Variants in LUC7L2 observed in about 807,000 individuals in gnomAD.
LUC7L2 encodes the protein LUC7 like 2, pre-mRNA splicing factor, also known as putative RNA-binding protein Luc7-like 2.
Under a neutral mutation model 52.8 loss-of-function variants are expected in LUC7L2, and 25 were observed. That is an observed-to-expected ratio of 0.47 (90% CI 0.34 to 0.66). LUC7L2 has a LOEUF of 0.66. LUC7L2 is among the 30% of genes least tolerant of loss of function. The pLI, the probability that LUC7L2 is intolerant of heterozygous loss-of-function variation, is 0.01. For synonymous variants in LUC7L2, 144 were observed against 160.9 expected (o/e 0.89, Z 0.80); for missense variants, 328 against 497.8 (o/e 0.66, Z 3.25).
intron 9 of LUC7L2, among the ~76,000 whole-genome samples, chr7:139,418,725 TTAA>T (rs1382352172): frequency 4.6e-5 from 7 of 152,234 alleles, no homozygotes; most frequent in Admixed American, 4.6e-4. Flanking sequence ...TAAGGTGATT[TTAA>T]TAATAATTAA....
In LUC7L2 at chr7:139,360,551, C is replaced by T. The variant is rs1799821142; in HGVS notation, c.61+229C>T. Among the ~76,000 whole-genome samples, 4 of 152,160 alleles carry T rather than the reference C, an allele frequency of 2.6e-5. No individual in the cohort carries two copies. In the South Asian group the frequency reaches 8.3e-4, roughly 32 times the overall value. ...TGCTGCCAATGGGGTGAGGCGGGGC[C>T]TGGAGGCAGAAAGGAGAGTTTGTGC... On this transcript the variant is annotated intron_variant, in intron 1 of 9. Coordinates refer to ENST00000354926, the MANE Select transcript of LUC7L2 (RefSeq NM_016019.5).
intron 2 of LUC7L2, among the ~76,000 whole-genome samples, chr7:139,389,248 C>T (rs969610209): frequency 6.6e-6 from 1 of 151,982 alleles, no homozygotes; most frequent in Non-Finnish European, 1.5e-5. Context: ...GTATTTCTGC[C>T]TGAGTAGTCA....
At chr7:139,376,033 T>A (rs762542222) in intron 1 of LUC7L2, 29 bp from the exon 2 acceptor site, 1 of 1,611,122 alleles carries the variant, frequency 6.2e-7, no homozygotes, top group Non-Finnish European at 8.5e-7. Context: ...TGTCTAACCT[T>A]GAATGTTATT....
intron 9 of LUC7L2, among the ~76,000 whole-genome samples, 180 bp from the exon 10 acceptor site, chr7:139,421,983 G>GTT (rs1445876759): frequency 6.6e-6 from 1 of 152,104 alleles, no homozygotes; most frequent in Non-Finnish European, 1.5e-5. Flanking sequence ...CCATCTTCTT[G>GTT]TTTTAATGCC....
At chr7:139,362,670 C>G (rs1184307957) in intron 1 of LUC7L2, among the ~76,000 whole-genome samples, 1 of 141,050 alleles carries the variant, frequency 7.1e-6, no homozygotes, top group Admixed American at 7.2e-5. Flanking sequence ...CAGCGACTCT[C>G]TTTTTTGGAA....
At chr7:139,400,704 A>G (rs1302693072) in intron 3 of LUC7L2, among the ~76,000 whole-genome samples, 1 of 152,106 alleles carries the variant, frequency 6.6e-6, no homozygotes, top group Admixed American at 6.5e-5. Flanking sequence ...CCAACCCCAC[A>G]TAGCTACTTA....
intron 2 of LUC7L2, among the ~76,000 whole-genome samples, chr7:139,379,025 G>C (rs1800853452): frequency 6.6e-6 from 1 of 152,074 alleles, no homozygotes; most frequent in South Asian, 2.1e-4. Context: ...TTGCCCTTTA[G>C]TTTGTATTTT....
intron 2 of LUC7L2, among the ~76,000 whole-genome samples, chr7:139,398,229 C>G (rs966381245): frequency 1.2e-4 from 18 of 152,180 alleles, no homozygotes; most frequent in Admixed American, 3.3e-4. Flanking sequence ...ATTGACATCT[C>G]AACAATTTGA....
chr7:139,350,312 G>A (rs377499947), intron 1 of LUC7L2, among the ~76,000 whole-genome samples: 343 of 152,028 alleles, frequency 2.3e-3, no homozygotes, highest in Admixed American at 4.3e-3. Flanking sequence ...TAGTAGAGAC[G>A]GGGTTTCACC....
At chr7:139,393,399 C>T (rs184211834) in intron 2 of LUC7L2, among the ~76,000 whole-genome samples, 123 of 152,154 alleles carry the variant, frequency 8.1e-4, no homozygotes, top group African/African-American at 2.7e-3. Flanking sequence ...CATTGTACTC[C>T]AGACTGGGGG....
rs571913905 is a variant in LUC7L2 at position 139,371,792 on chromosome 7, A to G, written c.62-4270A>G. On this transcript the variant is annotated intron_variant, in intron 1 of 9. Transcript: ENST00000354926. ...AGTATTTGAGTAAAATTTAGAGAGG[A>G]GGCCTCTTTTTAAAGTGACCTGTCT... Among the ~76,000 whole-genome samples, 17 of 152,236 alleles carry G rather than the reference A, an allele frequency of 1.1e-4. 2 individuals are homozygous for G. Among genetic ancestry groups the G allele is most frequent in the African/African-American group, 3.9e-4 (16 of 41,554 alleles).
intron 8 of LUC7L2, among the ~76,000 whole-genome samples, chr7:139,415,175 G>A (rs894143469): frequency 3.4e-5 from 5 of 146,310 alleles, no homozygotes. Flanking sequence ...GCCTTCCAAA[G>A]TGTTGGGATT....
At chr7:139,351,242 T>A (rs754187690) in intron 1 of LUC7L2, among the ~76,000 whole-genome samples, 10 of 152,180 alleles carry the variant, frequency 6.6e-5, no homozygotes, top group Non-Finnish European at 1.5e-4. Flanking sequence ...TTATCTCAAA[T>A]TCAATGTGTG....
chr7:139,415,230 T>C (rs1157295310), intron 8 of LUC7L2, among the ~76,000 whole-genome samples: 2 of 151,510 alleles, frequency 1.3e-5, no homozygotes, highest in Non-Finnish European at 2.9e-5. Flanking sequence ...TTTTTTTTTT[T>C]CTTAACCACC....
chr7:139,346,952 G>A (rs1230195829), intron 1 of LUC7L2, among the ~76,000 whole-genome samples: 4 of 152,098 alleles, frequency 2.6e-5, no homozygotes, highest in African/African-American at 4.8e-5. Flanking sequence ...CCTTCTCCTC[G>A]TCTGTCTCCA....
intron 1 of LUC7L2, among the ~76,000 whole-genome samples, chr7:139,367,409 T>G (rs1800217925): frequency 6.6e-6 from 1 of 152,244 alleles, no homozygotes; most frequent in Non-Finnish European, 1.5e-5. Context: ...AACAAAATGG[T>G]GTATTATGTA....
At chr7:139,360,410 T>C in intron 1 of LUC7L2, 88 bp downstream of exon 1, 1 of 1,273,684 alleles carries the variant, frequency 7.9e-7, no homozygotes. Flanking sequence ...GGCGCGCGCG[T>C]GTGGCTGAGT....
intron 1 of LUC7L2, among the ~76,000 whole-genome samples, chr7:139,346,523 T>C (rs1799276858): frequency 6.6e-6 from 1 of 152,252 alleles, no homozygotes; most frequent in Non-Finnish European, 1.5e-5. Context: ...GTTAAAGGGA[T>C]ACATAAAGAT....
chr7:139,391,463 TAGC>T (rs1178754371), intron 2 of LUC7L2, among the ~76,000 whole-genome samples: 2 of 152,256 alleles, frequency 1.3e-5, no homozygotes, highest in East Asian at 1.9e-4. Context: ...AATTTACACT[TAGC>T]AGTACACTCA....
Sources: gnomAD v4.1 joint callset for allele counts (sites outside exome capture counted in the v4.1 genomes callset) on GRCh38, gnomAD v4.1.1 for gene constraint, MANE v1.5 for transcripts, NCBI Gene and HGNC (gene_info 2026-07-23, HGNC 2026-07-21) for gene names.